ITGBL1: variants seen among roughly 807,000 people sequenced by gnomAD.
ITGBL1 encodes the protein integrin beta-like protein 1.
In ITGBL1, 51 loss-of-function variants were observed where a neutral mutation model predicts 68.5. The observed-to-expected ratio is 0.74, with a 90% confidence interval of 0.59 to 0.94. The LOEUF (loss-of-function observed/expected upper bound fraction) is 0.94, where lower values mean the gene tolerates loss of function less well. ITGBL1 is among the 40% of genes least tolerant of loss of function. The probability of loss-of-function intolerance (pLI) is 0.00; values close to 1 mark genes in which losing one functional copy is unlikely to be tolerated. For synonymous variants in ITGBL1, 209 were observed against 227.3 expected (o/e 0.92, Z 0.72); for missense variants, 649 against 647.4 (o/e 1.00, Z -0.03).
chr13:101,707,043 T>G (rs2034279620), intron 9 of ITGBL1, 141 bp downstream of exon 9: 1 of 782,676 alleles, frequency 1.3e-6, no homozygotes, highest in African/African-American at 1.7e-5. Context: ...AACTTGAAGC[T>G]TGAAGATTAA....
intron 6 of ITGBL1, among the ~76,000 whole-genome samples, chr13:101,590,507 C>T (rs1227444121): frequency 6.6e-6 from 1 of 152,056 alleles, no homozygotes; most frequent in Non-Finnish European, 1.5e-5. Context: ...TCCTGGGTCC[C>T]GCATCGGCTA....
chr13:101,540,214 T>A (rs2049667997), intron 2 of ITGBL1, among the ~76,000 whole-genome samples: 1 of 152,238 alleles, frequency 6.6e-6, no homozygotes, highest in Admixed American at 6.5e-5. Context: ...TAATACATCT[T>A]GAATTAATTT....
intron 7 of ITGBL1, among the ~76,000 whole-genome samples, chr13:101,681,563 G>A (rs189284008): frequency 3.3e-5 from 5 of 152,248 alleles, no homozygotes; most frequent in South Asian, 2.1e-4. Flanking sequence ...TGTCTTGTTC[G>A]TCTTCTTGTC....
intron 2 of ITGBL1, among the ~76,000 whole-genome samples, chr13:101,497,887 A>T (rs2048880360): frequency 6.6e-6 from 1 of 150,734 alleles, no homozygotes; most frequent in African/African-American, 2.4e-5. Context: ...TTTTCGGGCC[A>T]CTACAACATT....
At chr13:101,536,200 A>T (rs1298577137) in intron 2 of ITGBL1, among the ~76,000 whole-genome samples, 1 of 151,938 alleles carries the variant, frequency 6.6e-6, no homozygotes, top group South Asian at 2.1e-4. Flanking sequence ...TAATCAAAAG[A>T]CTAGGCTATA....
chr13:101,491,957 T>C (rs951521262), intron 2 of ITGBL1, among the ~76,000 whole-genome samples: 9 of 152,214 alleles, frequency 5.9e-5, no homozygotes, highest in African/African-American at 2.2e-4. Flanking sequence ...GCAAAGGACA[T>C]GAACTCATCC....
intron 7 of ITGBL1, among the ~76,000 whole-genome samples, chr13:101,639,206 T>C (rs979931859): frequency 3.3e-5 from 5 of 152,212 alleles, no homozygotes; most frequent in Non-Finnish European, 7.3e-5. Context: ...GCTTTAAATA[T>C]CTTATCTAGA....
chr13:101,580,473 G>A (rs1266652096), intron 5 of ITGBL1, among the ~76,000 whole-genome samples: 2 of 151,380 alleles, frequency 1.3e-5, no homozygotes, highest in African/African-American at 4.9e-5. Context: ...TAAGTTCTAG[G>A]GTGCATTGCA....
chr13:101,486,878 C>T (rs2048709370), intron 2 of ITGBL1, among the ~76,000 whole-genome samples: 1 of 151,968 alleles, frequency 6.6e-6, no homozygotes, highest in African/African-American at 2.4e-5. Flanking sequence ...ATTTCACACA[C>T]CCAAAAATGC....
At chr13:101,576,678 G>A (rs1197693499) in intron 4 of ITGBL1, among the ~76,000 whole-genome samples, 4 of 152,110 alleles carry the variant, frequency 2.6e-5, no homozygotes, top group South Asian at 2.1e-4. Context: ...TTTACATTTC[G>A]GTAGCTTCAA....
chr13:101,478,267 T>A (rs1226145966), intron 2 of ITGBL1, among the ~76,000 whole-genome samples: 1 of 151,836 alleles, frequency 6.6e-6, no homozygotes, highest in Non-Finnish European at 1.5e-5. Context: ...TGAAAAAGCA[T>A]TGGATAAGTC....
chr13:101,630,029 G>T (rs1264301415), intron 7 of ITGBL1, among the ~76,000 whole-genome samples: 2 of 151,960 alleles, frequency 1.3e-5, no homozygotes, highest in Non-Finnish European at 2.9e-5. Context: ...TCATCATGTT[G>T]GCCAGGCTGG....
At position 101,583,363 on chromosome 13, in the gene ITGBL1, G is replaced by T; in HGVS notation, c.868+7G>T. On this transcript the variant is annotated splice_region_variant and intron_variant, in intron 6 of 10. Transcript: ENST00000376180. ...TCTGATGACTTCTGTTCAGGTAAGGGCTCTTCCAATTCCTGTTTTTCTGGA... is the reference window on the plus strand; with the variant it reads ...TCTGATGACTTCTGTTCAGGTAAGGTCTCTTCCAATTCCTGTTTTTCTGGA... The T allele has an allele frequency of 6.7e-7, 1 of 1,491,278 alleles. No homozygotes were observed. The highest frequency in any genetic ancestry group is 8.9e-7 in the Non-Finnish European group (1 of 1,119,542). The allele number at this position is 1,491,278 out of a possible 1,614,324, so 92.4% of individuals were successfully genotyped here. A position where few individuals can be genotyped will look rare whatever the true frequency, so the allele number is the denominator to read the frequency against.
chr13:101,581,754 C>T (rs906359467), intron 5 of ITGBL1, among the ~76,000 whole-genome samples: 34 of 152,282 alleles, frequency 2.2e-4, no homozygotes, highest in African/African-American at 7.9e-4. Flanking sequence ...TGAACATACA[C>T]TTGTGTGTAC....
At chr13:101,575,647 A>T in intron 4 of ITGBL1, 101 bp downstream of exon 4, 2 of 1,153,822 alleles carry the variant, frequency 1.7e-6, no homozygotes, top group Non-Finnish European at 2.5e-6. Context: ...TAGGTGTGCT[A>T]ATGTAGTTTA....
chr13:101,489,855 C>G, intron 2 of ITGBL1: 1 of 691,562 alleles, frequency 1.4e-6, no homozygotes, highest in Non-Finnish European at 2.5e-6. Flanking sequence ...TTGTCTGACT[C>G]ATTGGTGAAA....
At chr13:101,697,100 AT>A (rs996975067) in intron 8 of ITGBL1, among the ~76,000 whole-genome samples, 1 of 151,648 alleles carries the variant, frequency 6.6e-6, no homozygotes, top group Non-Finnish European at 1.5e-5. Flanking sequence ...ATTAGAAAGG[AT>A]TTTTTTCACA....
At chr13:101,588,223 CGT>C (rs1246102599) in intron 6 of ITGBL1, among the ~76,000 whole-genome samples, 95 of 151,982 alleles carry the variant, frequency 6.3e-4, no homozygotes, top group African/African-American at 2.2e-3. Flanking sequence ...TCTTCCTTTT[CGT>C]ATGGGTATTT....
rs1309172638 is a variant in ITGBL1 at position 101,555,337 on chromosome 13, TAAAAC to T, written c.317-12357_317-12353del. ...TGTACAAAATAACCATTTTTAAAGA[TAAAAC>T]AAAAATAAGGATATGTATTAATTCT... On this transcript the variant is annotated intron_variant, in intron 2 of 10. Coordinates refer to ENST00000376180, the MANE Select transcript of ITGBL1 (RefSeq NM_004791.3). Among the ~76,000 whole-genome samples, 8 of 152,302 alleles carry T rather than the reference TAAAAC, an allele frequency of 5.3e-5. 1 individual carries two copies. In the East Asian group the frequency reaches 9.7e-4, roughly 18 times the overall value.
Sources: allele counts gnomAD v4.1 joint callset (sites outside exome capture counted in the v4.1 genomes callset), GRCh38; gene constraint gnomAD v4.1.1; transcripts MANE v1.5; gene names NCBI Gene and HGNC (gene_info 2026-07-23, HGNC 2026-07-21).